The following IGSF9 variants were observed in gnomAD, a reference collection of about 807,000 sequenced individuals.
IGSF9 encodes the protein protein turtle homolog A.
In IGSF9, 87 loss-of-function variants were observed where a neutral mutation model predicts 121.7. The ratio of observed to expected loss-of-function variants is 0.71; its 90% CI spans 0.60 to 0.85. The LOEUF (loss-of-function observed/expected upper bound fraction) is 0.85. Among genes scored for constraint, IGSF9 ranks in the 40% least tolerant of loss-of-function variants. The pLI is 0.00. For synonymous variants in IGSF9, 640 were observed against 648.4 expected, an observed-to-expected ratio of 0.99 and a Z score of 0.20; for missense variants, 1,462 against 1,565.3, an observed-to-expected ratio of 0.93 and a Z score of 1.11.
rs1415409914 is a variant in IGSF9, at chr1:159,932,064, T to C, written c.1246-136A>G. The C allele has an allele frequency of 1.6e-6, 1 of 621,170 alleles. No individual in the cohort carries two copies. The highest frequency in any genetic ancestry group is 2.8e-6 in the Non-Finnish European group (1 of 352,022). 38.5% of individuals were successfully genotyped at this position (621,170 alleles called of 1,614,324 possible). A position where few individuals can be genotyped will look rare whatever the true frequency, so the allele number is the denominator to read the frequency against. ...CCCCTAGCTAAACACTCACCAAGCCTGTCTCTACCTCATTCTCTCTCCATC... is the reference window on the plus strand; with the variant it reads ...CCCCTAGCTAAACACTCACCAAGCCCGTCTCTACCTCATTCTCTCTCCATC... On this transcript the variant is annotated intron_variant, in intron 10 of 20. Coordinates refer to ENST00000368094, the MANE Select transcript of IGSF9 (RefSeq NM_001135050.2). The surrounding 1 kb of genome is among the most constrained non-coding windows in gnomAD (Gnocchi z 4.1).
At chr1:159,930,611 C>T (rs1053100661) in intron 14 of IGSF9, 81 bp downstream of exon 14, 54 of 1,585,438 alleles carry the variant, frequency 3.4e-5, no homozygotes, top group Non-Finnish European at 4.5e-5. Flanking sequence ...CCCTTCCCAC[C>T]CAGGGCCTCC....
intron 3 of IGSF9, among the ~76,000 whole-genome samples, chr1:159,940,509 G>A (rs1188825353): frequency 1.3e-5 from 2 of 152,214 alleles, no homozygotes; most frequent in Non-Finnish European, 2.9e-5. Context: ...GGCGTGTGAA[G>A]AAAACAGGAG....
At position 159,930,176 on chromosome 1, in the gene IGSF9, C is replaced by T. The variant is rs1258857338; in HGVS notation, c.2064+13G>A. The T allele has an allele frequency of 1.3e-6, 2 of 1,595,398 alleles. No individual in the cohort carries two copies. Among genetic ancestry groups the T allele is most frequent in the Non-Finnish European group, 1.7e-6 (2 of 1,169,132 alleles). ...CCTAGGAGGCCTCTCTCTGTATCGC[C>T]TTTCGCACATACCTTGATGAGGCCT... On this transcript the variant is annotated intron_variant, in intron 15 of 20. Transcript: ENST00000368094.
intron 3 of IGSF9, among the ~76,000 whole-genome samples, chr1:159,941,494 T>G (rs1651378733): frequency 6.6e-6 from 1 of 152,236 alleles, no homozygotes. Flanking sequence ...TCCCAGAGGC[T>G]ACTGCTCACA....
chr1:159,937,676 A>C lies in IGSF9; in HGVS notation c.400+10T>G, dbSNP rs538636382. 15 of 1,607,688 alleles carry C rather than the reference A, an allele frequency of 9.3e-6. No homozygotes were observed. The African/African-American group carries it at 2.0e-4, about 22-fold the overall frequency. On this transcript the variant is annotated intron_variant, in intron 4 of 20. Transcript: ENST00000368094. ...CGTCCTTCTCCACCACCTGCCCCCCAGCTTCATACAATTGACTGTCAGATG... is the reference window on the plus strand; with the variant it reads ...CGTCCTTCTCCACCACCTGCCCCCCCGCTTCATACAATTGACTGTCAGATG...
Position 159,928,733 on chromosome 1 carries a change from G to T in IGSF9, c.2655C>A (p.Asp885Glu). ...CCCCACTGGGGCTGCTGCTGCTACA[G>T]TCAAAGGACCGGGCCAGACGCTGGG... is the stretch of plus-strand genomic sequence containing the variant. Reference protein sequence around the residue: ...TPAQRLARSFDCSSSSPSGAP... With the variant: ...TPAQRLARSFECSSSSPSGAP... Residue 885 changes from aspartate (D) to glutamate (E), a missense_variant, in exon 19 of 21, where the codon GAC becomes GAA. Transcript: ENST00000368094. The T allele has an allele frequency of 6.8e-7, 1 of 1,479,132 alleles. No homozygotes were observed. The allele number at this position is 1,479,132 out of a possible 1,614,324, so 91.6% of individuals were successfully genotyped here.
chr1:159,928,521 A>G lies in IGSF9; in HGVS notation c.2867T>C (p.Met956Thr). ...EPSPAAPPDY[M>T]DTRRCPTSSF... is the part of the protein sequence containing the mutation. ...TGAGGTGGGACAGCGCCGGGTATCCATGTAATCTGGGGGTGCAGCAGGGCT... is the reference window on the plus strand; with the variant it reads ...TGAGGTGGGACAGCGCCGGGTATCCGTGTAATCTGGGGGTGCAGCAGGGCT... Residue 956 changes from methionine to threonine, a missense_variant, in exon 19 of 21, where the codon ATG (methionine) becomes ACG (threonine). Transcript: ENST00000368094. The G allele has an allele frequency of 1.3e-6, 2 of 1,564,736 alleles. No homozygotes were observed. Among genetic ancestry groups the G allele is most frequent in the South Asian group, 1.2e-5 (1 of 84,232 alleles).
At chr1:159,944,018 C>G (rs1405129849) in intron 1 of IGSF9, among the ~76,000 whole-genome samples, 1 of 152,092 alleles carries the variant, frequency 6.6e-6, no homozygotes, top group Non-Finnish European at 1.5e-5. Flanking sequence ...CTCTCATGGC[C>G]TAGGCTGCTC....
rs756382600 is a variant in IGSF9, at chr1:159,931,270, G to C, written c.1514-9C>G. On this transcript the variant is annotated splice_polypyrimidine_tract_variant and intron_variant, in intron 12 of 20. Transcript: ENST00000368094. The surrounding 1 kb of genome is among the most constrained non-coding windows in gnomAD (Gnocchi z 4.8). ...AACATGAGGGCTAGTGCCTAGGCAGGGGGGAATGGAGGGATGGTGGTCAGG... is the reference window on the plus strand; with the variant it reads ...AACATGAGGGCTAGTGCCTAGGCAGCGGGGAATGGAGGGATGGTGGTCAGG... 2 of 1,613,974 alleles carry C rather than the reference G, an allele frequency of 1.2e-6. No individual in the cohort carries two copies. The highest frequency in any genetic ancestry group is 2.7e-5 in the African/African-American group (2 of 74,922).
In IGSF9 at chr1:159,927,238, C is replaced by G. The variant is rs966683279; in HGVS notation, c.*107G>C. The G allele has an allele frequency of 7.3e-7, 1 of 1,378,106 alleles. No homozygotes were observed. The highest frequency in any genetic ancestry group is 1.7e-5 in the Admixed American group (1 of 58,640). The allele number at this position is 1,378,106 out of a possible 1,614,324, so 85.4% of individuals were successfully genotyped here. ...CACTATCAGGGTCTGTGCCTGGGCACCAAAGGGGCAGGCAGGGGCAGTGCC... is the reference window on the plus strand; with the variant it reads ...CACTATCAGGGTCTGTGCCTGGGCAGCAAAGGGGCAGGCAGGGGCAGTGCC... On this transcript the variant is annotated 3_prime_UTR_variant, in exon 21 of 21. Coordinates refer to ENST00000368094, the MANE Select transcript of IGSF9 (RefSeq NM_001135050.2).
rs1356100153 is a variant in IGSF9, at chr1:159,931,656, G to C, written c.1363-53C>G. ...ACACACGCAGCCACCCCTCACCAAA[G>C]GCGCCCCTCATCTCTCCAGGCAGCT... On this transcript the variant is annotated intron_variant, in intron 11 of 20. Transcript: ENST00000368094. The surrounding 1 kb of genome is among the most constrained non-coding windows in gnomAD (Gnocchi z 4.8). The C allele has an allele frequency of 3.1e-5, 49 of 1,591,034 alleles. No homozygotes were observed. The highest frequency in any genetic ancestry group is 4.1e-5 in the Non-Finnish European group (48 of 1,165,086).
At position 159,928,648 on chromosome 1, in the gene IGSF9, G is replaced by T; in HGVS notation, c.2740C>A (p.Pro914Thr). The T allele has an allele frequency of 2.0e-6, 3 of 1,483,254 alleles. No homozygotes were observed. The highest frequency in any genetic ancestry group is 2.7e-6 in the Non-Finnish European group (3 of 1,115,490). The allele number at this position is 1,483,254 out of a possible 1,614,324, so 91.9% of individuals were successfully genotyped here. A position where few individuals can be genotyped will look rare whatever the true frequency, so the allele number is the denominator to read the frequency against. The change falls in exon 19 of 21, where the codon CCC becomes ACC. Residue 914 changes from proline to threonine, a missense_variant. Physicochemically the swap from Pro to Thr is conservative, Grantham distance 38 (BLOSUM62 -1). Transcript: ENST00000368094. ...GGTCCAGGACCTGGCAAGGGACTGGGTGGGGCTGCTGGAGGGGGTGCCACA... is the reference window on the plus strand; with the variant it reads ...GGTCCAGGACCTGGCAAGGGACTGGTTGGGGCTGCTGGAGGGGGTGCCACA... Reference protein sequence around the residue: ...SPVAPPPAAPPSPLPGPGPLL... With the variant: ...SPVAPPPAAPTSPLPGPGPLL...
At position 159,927,093 on chromosome 1, in the gene IGSF9, C is replaced by CAGAGAGAGAGAGAGAGAG. The variant is rs1247584070; in HGVS notation, c.*251_*252insCTCTCTCTCTCTCTCTCT. 5.6e-6 allele frequency: 3 copies of CAGAGAGAGAGAGAGAGAG among 535,874 alleles called. No individual in the cohort carries two copies. In the South Asian group the frequency reaches 6.7e-5, roughly 12 times the overall value. The allele number at this position is 535,874 out of a possible 1,614,324, so 33.2% of individuals were successfully genotyped here. On this transcript the variant is annotated 3_prime_UTR_variant, in exon 21 of 21. Coordinates refer to ENST00000368094, the MANE Select transcript of IGSF9 (RefSeq NM_001135050.2). ...AAAAAACTTCACACACACACACACA[C>CAGAGAGAGAGAGAGAGAG]ACACAGAGAGAGAGAGAGAGAGAGA...
intron 20 of IGSF9, 54 bp from the exon 21 acceptor site, chr1:159,927,580 G>A: frequency 6.3e-7 from 1 of 1,580,318 alleles, no homozygotes; most frequent in East Asian, 2.2e-5. Flanking sequence ...ACTGAGTGAA[G>A]AGCTCAGATG....
intron 5 of IGSF9, 39 bp downstream of exon 5, chr1:159,936,715 C>A (rs1224496833): frequency 6.2e-7 from 1 of 1,605,840 alleles, no homozygotes; most frequent in Admixed American, 1.7e-5. Context: ...CTTCCCTTCA[C>A]ACTCTATATG....
At position 159,932,726 on chromosome 1, in the gene IGSF9, G is replaced by A; in HGVS notation, c.1105-74C>T. ...AAGCCCGGGATGGCAGTACAAGAGA[G>A]GGGGCAGGATGAGAAACCCACAGCT... On this transcript the variant is annotated intron_variant, in intron 9 of 20. Transcript: ENST00000368094. The surrounding 1 kb of genome is among the most constrained non-coding windows in gnomAD (Gnocchi z 4.1). 6.8e-7 allele frequency: 1 copy of A among 1,473,338 alleles called. No homozygotes were observed. The highest frequency in any genetic ancestry group is 1.3e-5 in the South Asian group (1 of 76,544). 91.3% of individuals were successfully genotyped at this position (1,473,338 alleles called of 1,614,324 possible). A position where few individuals can be genotyped will look rare whatever the true frequency, so the allele number is the denominator to read the frequency against.
Position 159,928,455 on chromosome 1 carries a change from C to T in IGSF9, c.2933G>A (p.Arg978Lys). ...TACCACAGCCCCAGGAAGTGATTCCCTGGGGGATACAGGAGGGGTTTCTGG... is the reference window on the plus strand; with the variant it reads ...TACCACAGCCCCAGGAAGTGATTCCTTGGGGGATACAGGAGGGGTTTCTGG... Reference protein sequence around the residue: ...RSPETPPVSPRESLPGAVVGA... With the variant: ...RSPETPPVSPKESLPGAVVGA... Residue 978 changes from arginine to lysine, a missense_variant, in exon 19 of 21, where the codon AGG becomes AAG. Physicochemically the swap from Arg to Lys is conservative, Grantham distance 26. Transcript: ENST00000368094. 6.3e-7 allele frequency: 1 copy of T among 1,596,596 alleles called. No individual in the cohort carries two copies. The highest frequency in any genetic ancestry group is 8.5e-7 in the Non-Finnish European group (1 of 1,169,912).
At chr1:159,929,201 G>T in intron 18 of IGSF9, 150 bp downstream of exon 18, 1 of 1,282,148 alleles carries the variant, frequency 7.8e-7, no homozygotes, top group Non-Finnish European at 1.1e-6. Context: ...CCTCAGGCTG[G>T]GGCCACTGCA....
chr1:159,929,096 T>A (rs1298212478), intron 18 of IGSF9, 78 bp from the exon 19 acceptor site: 1 of 1,465,968 alleles, frequency 6.8e-7, no homozygotes, highest in Non-Finnish European at 9.1e-7. Flanking sequence ...CCTTGAGAGG[T>A]TTGGTGAACA....
Sources: gnomAD v4.1 joint callset for allele counts (sites outside exome capture counted in the v4.1 genomes callset) on GRCh38, gnomAD v4.1.1 for gene constraint, Gnocchi (gnomAD v3.1) non-coding constraint, MANE v1.5 for transcripts, NCBI Gene and HGNC (gene_info 2026-07-23, HGNC 2026-07-21) for gene names.